The following STARD13 variants were observed in gnomAD, a reference collection of about 807,000 sequenced individuals.
STARD13 encodes the protein StAR related lipid transfer domain containing 13, also known as stAR-related lipid transfer protein 13.
STARD13 carries 62 observed loss-of-function variants against 106.4 expected under a neutral mutation model. That is an observed-to-expected ratio of 0.58 (90% confidence interval 0.48 to 0.72). The LOEUF is 0.72. STARD13 is among the 30% of genes least tolerant of loss of function. The pLI is 0.00. For synonymous variants in STARD13, 565 were observed against 553.0 expected, an observed-to-expected ratio of 1.02 and a Z score of -0.31; for missense variants, 1,387 against 1,424.0, an observed-to-expected ratio of 0.97 and a Z score of 0.42.
chr13:33,401,531 G>T, the STARD13 span, among the ~76,000 whole-genome samples: 1 of 152,152 alleles, frequency 6.6e-6, no homozygotes, highest in South Asian at 2.1e-4. Flanking sequence ...GCCAACTTTG[G>T]CTTAAAGACA....
intron 1 of STARD13, among the ~76,000 whole-genome samples, chr13:33,298,152 T>TC (rs1892572734): frequency 8.4e-6 from 1 of 119,408 alleles, no homozygotes; most frequent in Admixed American, 9.0e-5. Flanking sequence ...TTTTTTGAGA[T>TC]AGAGTCTCAC....
the STARD13 span, among the ~76,000 whole-genome samples, chr13:33,376,947 G>A: frequency 6.6e-6 from 1 of 152,354 alleles, no homozygotes; most frequent in East Asian, 1.9e-4. Flanking sequence ...CCACTGTGGG[G>A]AAAAGGAGGG....
chr13:33,669,169 T>C, the STARD13 span, among the ~76,000 whole-genome samples: 1 of 152,276 alleles, frequency 6.6e-6, no homozygotes, highest in East Asian at 1.9e-4. Flanking sequence ...GCTTGCAGAA[T>C]AGGACTAAAG....
At chr13:33,565,978 T>A in the STARD13 span, among the ~76,000 whole-genome samples, 1 of 148,664 alleles carries the variant, frequency 6.7e-6, no homozygotes, top group South Asian at 2.1e-4. Context: ...ATCTGTAGTT[T>A]CACTTTCCAC....
At chr13:33,295,050 A>T (rs945805027) in intron 1 of STARD13, among the ~76,000 whole-genome samples, 6 of 152,100 alleles carry the variant, frequency 3.9e-5, no homozygotes, top group Non-Finnish European at 7.4e-5. Flanking sequence ...TTGGGAATTG[A>T]GTATGGCCCA....
chr13:33,607,103 T>TG, the STARD13 span, among the ~76,000 whole-genome samples: 1 of 152,118 alleles, frequency 6.6e-6, no homozygotes, highest in African/African-American at 2.4e-5. Context: ...GTTTTGTTTT[T>TG]TTTTTTTTGC....
At chr13:33,625,021 C>T in the STARD13 span, among the ~76,000 whole-genome samples, 2 of 152,216 alleles carry the variant, frequency 1.3e-5, no homozygotes, top group African/African-American at 4.8e-5. Flanking sequence ...GGTGGAGTCC[C>T]TCCCACATGC....
At chr13:33,623,582 T>C in the STARD13 span, among the ~76,000 whole-genome samples, 1 of 152,068 alleles carries the variant, frequency 6.6e-6, no homozygotes, top group African/African-American at 2.4e-5. Context: ...AATGAGCTGA[T>C]ATTATTTACA....
At chr13:33,343,654 G>C (rs1192914459), downstream of STARD13, among the ~76,000 whole-genome samples, 1 of 139,140 alleles carries the variant, frequency 7.2e-6, no homozygotes, top group Non-Finnish European at 1.5e-5. Flanking sequence ...ACCTGTTATT[G>C]TCTCTATTTC....
the STARD13 span, among the ~76,000 whole-genome samples, chr13:33,429,473 G>A: frequency 0.27 from 41,533 of 151,230 alleles, 6,210 homozygotes; most frequent in Non-Finnish European, 0.35. Flanking sequence ...GCAGTGAGCC[G>A]AGATTGCGCC....
At chr13:33,411,675 C>T in the STARD13 span, among the ~76,000 whole-genome samples, 1 of 152,230 alleles carries the variant, frequency 6.6e-6, no homozygotes, top group Non-Finnish European at 1.5e-5. Context: ...TTTTTACTGT[C>T]TCCATAGTTT....
the STARD13 span, among the ~76,000 whole-genome samples, chr13:33,381,485 A>T: frequency 1.2e-4 from 18 of 152,202 alleles, no homozygotes; most frequent in African/African-American, 3.9e-4. Context: ...CATGCCTGTA[A>T]TCTCAGCACT....
rs142701749 is a variant in STARD13 at position 33,104,091 on chromosome 13, A to G, written c.*1502T>C. The G allele has an allele frequency of 3.3e-5, 5 of 152,270 alleles. No individual in the cohort carries two copies. Among genetic ancestry groups the G allele is most frequent in the African/African-American group, 1.2e-4 (5 of 41,564 alleles). The allele number at this position is 152,270 out of a possible 1,614,324, so 9.4% of individuals were successfully genotyped here. On this transcript the variant is annotated 3_prime_UTR_variant, in exon 14 of 14. Transcript: ENST00000336934. Reference sequence around the variant, plus strand: ...ATATAATGCAAAAAAACCTGAAAACACTCATTTGCTTTTCTTTTTTTCTCC... The same window carrying G: ...ATATAATGCAAAAAAACCTGAAAACGCTCATTTGCTTTTCTTTTTTTCTCC...
At chr13:33,564,206 CAAAAAAA>C in the STARD13 span, among the ~76,000 whole-genome samples, 504 of 53,862 alleles carry the variant, frequency 9.4e-3, 27 homozygotes, top group African/African-American at 0.032. Flanking sequence ...GACTGTATCT[CAAAAAAA>C]AAAAAAAAAA....
the STARD13 span, among the ~76,000 whole-genome samples, chr13:33,393,460 G>A: frequency 5.3e-5 from 8 of 152,112 alleles, no homozygotes; most frequent in Non-Finnish European, 1.2e-4. Context: ...TTTGGTACTT[G>A]GCAGGTTTCT....
chr13:33,394,088 C>A, the STARD13 span, among the ~76,000 whole-genome samples: 28 of 152,180 alleles, frequency 1.8e-4, no homozygotes, highest in East Asian at 5.8e-4. Context: ...GCTGTAGAAC[C>A]TTTAAAATAC....
At chr13:33,429,128 C>T in the STARD13 span, among the ~76,000 whole-genome samples, 1 of 152,132 alleles carries the variant, frequency 6.6e-6, no homozygotes, top group Non-Finnish European at 1.5e-5. Flanking sequence ...TTTCTCAAAA[C>T]ACTAAAAATT....
chr13:33,628,148 A>AACACACACACAC, the STARD13 span, among the ~76,000 whole-genome samples: 122 of 133,438 alleles, frequency 9.1e-4, no homozygotes, highest in Non-Finnish European at 1.3e-3. Flanking sequence ...TCTCTTGTAA[A>AACACACACACAC]ACACACACAC....
chr13:33,426,356 T>A, the STARD13 span, among the ~76,000 whole-genome samples: 1 of 152,236 alleles, frequency 6.6e-6, no homozygotes, highest in African/African-American at 2.4e-5. Context: ...TGACAACTTG[T>A]CTTAGCATCT....
Sources: gnomAD v4.1 joint callset for allele counts (sites outside exome capture counted in the v4.1 genomes callset) on GRCh38, gnomAD v4.1.1 for gene constraint, MANE v1.5 for transcripts, NCBI Gene and HGNC (gene_info 2026-07-23, HGNC 2026-07-21) for gene names.